The following NUAK1 variants were observed in gnomAD, a reference collection of about 807,000 sequenced individuals.
NUAK1 encodes NUAK family kinase 1, also known as NUAK family SNF1-like kinase 1.
In NUAK1, 26 loss-of-function variants were observed where a neutral mutation model predicts 56.9. The ratio of observed to expected loss-of-function variants is 0.46; its 90% CI spans 0.33 to 0.63. The LOEUF (loss-of-function observed/expected upper bound fraction) is 0.63. Among genes scored for constraint, NUAK1 ranks in the 30% least tolerant of loss-of-function variants. The probability of loss-of-function intolerance (pLI) is 0.02; values close to 1 mark genes in which losing one functional copy is unlikely to be tolerated. For synonymous variants in NUAK1, 337 were observed against 336.0 expected, an observed-to-expected ratio of 1.00 and a Z score of -0.03; for missense variants, 727 against 876.1, an observed-to-expected ratio of 0.83 and a Z score of 2.15.
chr12:106,099,327 GT>G (rs1185600657), intron 2 of NUAK1, among the ~76,000 whole-genome samples: 1 of 152,218 alleles, frequency 6.6e-6, no homozygotes, highest in African/African-American at 2.4e-5. Flanking sequence ...GTGTTCTGCA[GT>G]TTAGAAAACA....
At chr12:106,086,391 A>C (rs915708683) in intron 3 of NUAK1, among the ~76,000 whole-genome samples, 1 of 152,224 alleles carries the variant, frequency 6.6e-6, no homozygotes, top group African/African-American at 2.4e-5. Flanking sequence ...CAGAAATGTA[A>C]GATGTTAATA....
At chr12:106,074,835 A>G (rs2136457742) in intron 4 of NUAK1, among the ~76,000 whole-genome samples, 1 of 152,266 alleles carries the variant, frequency 6.6e-6, no homozygotes. Flanking sequence ...CAGAAAATGC[A>G]TTCTCCGGGC....
chr12:106,129,970 C>T (rs1028134610), intron 1 of NUAK1, among the ~76,000 whole-genome samples: 5 of 152,008 alleles, frequency 3.3e-5, no homozygotes, highest in African/African-American at 1.2e-4. Context: ...TCCTCCACAC[C>T]TCATTCCTTT....
rs748356937 is a variant in NUAK1 at position 106,066,254 on chromosome 12, C to T, written c.*548G>A. Reference sequence around the variant, plus strand: ...GCCATTACTAGTCAATCACAGCACTCCTTCCCCATGATGTGGGCCACTTAC... The same window carrying T: ...GCCATTACTAGTCAATCACAGCACTTCTTCCCCATGATGTGGGCCACTTAC... On this transcript the variant is annotated 3_prime_UTR_variant, in exon 7 of 7. Transcript: ENST00000261402. The T allele has an allele frequency of 1.9e-5, 3 of 159,120 alleles. No homozygotes were observed. The highest frequency in any genetic ancestry group is 4.2e-5 in the Non-Finnish European group (3 of 71,970). 9.9% of individuals were successfully genotyped at this position (159,120 alleles called of 1,614,324 possible). A position where few individuals can be genotyped will look rare whatever the true frequency, so the allele number is the denominator to read the frequency against.
At chr12:106,081,149 T>C (rs1046964439) in intron 4 of NUAK1, among the ~76,000 whole-genome samples, 1 of 152,218 alleles carries the variant, frequency 6.6e-6, no homozygotes, top group African/African-American at 2.4e-5. Flanking sequence ...TCAAACCATT[T>C]TGAAGTACCT....
chr12:106,107,523 A>G (rs770489818), intron 1 of NUAK1, among the ~76,000 whole-genome samples: 2 of 152,120 alleles, frequency 1.3e-5, no homozygotes, highest in Admixed American at 1.3e-4. Context: ...TGTGACCTCA[A>G]CTCTCACCTG....
At chr12:106,090,591 G>A (rs1229263588) in intron 2 of NUAK1, among the ~76,000 whole-genome samples, 2 of 152,062 alleles carry the variant, frequency 1.3e-5, no homozygotes, top group African/African-American at 2.4e-5. Flanking sequence ...CCAGCACTGG[G>A]CCCAGCAGTC....
intron 6 of NUAK1, among the ~76,000 whole-genome samples, chr12:106,068,479 A>G (rs912148839): frequency 6.6e-6 from 1 of 152,200 alleles, no homozygotes; most frequent in Non-Finnish European, 1.5e-5. Context: ...TACCTGGAAC[A>G]CCTGGGCAGT....
intron 5 of NUAK1, 52 bp from the exon 6 acceptor site, chr12:106,070,958 T>C: frequency 3.1e-6 from 5 of 1,606,264 alleles, no homozygotes; most frequent in South Asian, 1.1e-5. Flanking sequence ...GATCCCAAGA[T>C]GCCTTCCAAA....
chr12:106,067,643 T>C lies in NUAK1; in HGVS notation c.1145A>G (p.Gln382Arg), dbSNP rs2032357985. 2 of 1,614,260 alleles carry C rather than the reference T, an allele frequency of 1.2e-6. No individual in the cohort carries two copies. Among genetic ancestry groups the C allele is most frequent in the African/African-American group, 2.7e-5 (2 of 75,068 alleles). Residue 382 changes from glutamine (Q) to arginine (R), a missense_variant, in exon 7 of 7, where the codon CAG becomes CGG. Gln to Arg is a conservative substitution (Grantham distance 43). Coordinates refer to ENST00000261402, the MANE Select transcript of NUAK1 (RefSeq NM_014840.3). This position sits in a 1 kb window ranked among gnomAD's most constrained non-coding sequence, Gnocchi z 6.0. ...KKENDFAQSG[Q>R]DAVPESPSKL... ...GGATGGGCTTTCAGGCACTGCATCC[T>C]GACCAGACTGAGCAAAGTCATTCTC... is the stretch of plus-strand genomic sequence containing the variant.
At chr12:106,130,272 G>A (rs908371314) in intron 1 of NUAK1, among the ~76,000 whole-genome samples, 8 of 152,108 alleles carry the variant, frequency 5.3e-5, no homozygotes, top group African/African-American at 1.4e-4. Context: ...GTGAACCACC[G>A]TGCCCAGCCT....
chr12:106,104,544 G>GAGT (rs1200548957), intron 2 of NUAK1, among the ~76,000 whole-genome samples: 1 of 152,212 alleles, frequency 6.6e-6, no homozygotes, highest in South Asian at 2.1e-4. Context: ...CCCACCCAGA[G>GAGT]AGTTTCAGAT....
At position 106,067,518 on chromosome 12, in the gene NUAK1, C is replaced by T; in HGVS notation, c.1270G>A (p.Ala424Thr). Reference sequence around the variant, plus strand: ...TCCATCTTGAAAGTAGAGGGTAAGGCAGGACCAACTACACCTTCAATGAAG... The same window carrying T: ...TCCATCTTGAAAGTAGAGGGTAAGGTAGGACCAACTACACCTTCAATGAAG... ...TGFIEGVVGPALPSTFKMEQD... is the reference protein window; with the variant it reads ...TGFIEGVVGPTLPSTFKMEQD... Residue 424 changes from alanine to threonine, a missense_variant, in exon 7 of 7, where the codon GCC (alanine) becomes ACC (threonine). By Grantham distance (58) the Ala-to-Thr change is moderately conservative. Coordinates refer to ENST00000261402, the MANE Select transcript of NUAK1 (RefSeq NM_014840.3). The surrounding 1 kb of genome is among the most constrained non-coding windows in gnomAD (Gnocchi z 6.0). 6.2e-7 allele frequency: 1 copy of T among 1,614,212 alleles called. No individual in the cohort carries two copies. Among genetic ancestry groups the T allele is most frequent in the South Asian group, 1.1e-5 (1 of 91,078 alleles).
At chr12:106,117,977 T>C (rs969164824) in intron 1 of NUAK1, among the ~76,000 whole-genome samples, 12 of 152,226 alleles carry the variant, frequency 7.9e-5, no homozygotes, top group African/African-American at 2.9e-4. Context: ...TAAAAAATGA[T>C]GACTATCGTA....
intron 1 of NUAK1, among the ~76,000 whole-genome samples, chr12:106,109,555 GAAA>G (rs5800702): frequency 2.8e-3 from 341 of 123,494 alleles, no homozygotes; most frequent in African/African-American, 8.8e-3. Context: ...GGTTGTTAAG[GAAA>G]AAAAAAAAAA....
intron 1 of NUAK1, among the ~76,000 whole-genome samples, chr12:106,109,809 T>TACA (rs2032840349): frequency 1.3e-5 from 2 of 152,170 alleles, no homozygotes; most frequent in Admixed American, 1.3e-4. Flanking sequence ...TGGTAAGGAT[T>TACA]ACACATCAGG....
In NUAK1 at chr12:106,138,376, C is replaced by G. The variant is rs750531964; in HGVS notation, c.240+38G>C. On this transcript the variant is annotated intron_variant, in intron 1 of 6. Coordinates refer to ENST00000261402, the MANE Select transcript of NUAK1 (RefSeq NM_014840.3). The surrounding 1 kb of genome is among the most constrained non-coding windows in gnomAD (Gnocchi z 5.0). Reference sequence around the variant, plus strand: ...GCCCTCAGTCCCCGGCCGCGTCCACCCAGCGCCCCCCGCACCCTCCAGGAT... The same window carrying G: ...GCCCTCAGTCCCCGGCCGCGTCCACGCAGCGCCCCCCGCACCCTCCAGGAT... The G allele has an allele frequency of 1.3e-6, 2 of 1,565,760 alleles. No individual in the cohort carries two copies. The highest frequency in any genetic ancestry group is 2.7e-5 in the African/African-American group (2 of 73,612).
rs148321997 is a variant in NUAK1, at chr12:106,070,564, T to C, written c.832+210A>G. On this transcript the variant is annotated intron_variant, in intron 6 of 6. Transcript: ENST00000261402. ...CCACAAAGCAAGCAAACAGGACTCC[T>C]AGAAGGTGTGCTCTGAAAATTTCCT... Among the ~76,000 whole-genome samples, 9 of 152,306 alleles carry C rather than the reference T, an allele frequency of 5.9e-5. No homozygotes were observed. In the East Asian group the frequency reaches 1.7e-3, roughly 29 times the overall value.
intron 1 of NUAK1, among the ~76,000 whole-genome samples, chr12:106,136,780 T>C (rs543235366): frequency 6.6e-6 from 1 of 152,342 alleles, no homozygotes; most frequent in South Asian, 2.1e-4. Flanking sequence ...TGAGCAGGGA[T>C]CTAAGCTTAG....
Sources: gnomAD v4.1 joint callset for allele counts (sites outside exome capture counted in the v4.1 genomes callset) on GRCh38, gnomAD v4.1.1 for gene constraint, Gnocchi (gnomAD v3.1) non-coding constraint, MANE v1.5 for transcripts, NCBI Gene and HGNC (gene_info 2026-07-23, HGNC 2026-07-21) for gene names.